The following PDE3A variants were observed in gnomAD, a reference collection of about 807,000 sequenced individuals.
The protein encoded by PDE3A is phosphodiesterase 3A, also known as cGMP-inhibited 3',5'-cyclic phosphodiesterase 3A.
Under a neutral mutation model 98.3 loss-of-function variants are expected in PDE3A, and 43 were observed. That is an observed-to-expected ratio of 0.44 (90% CI 0.34 to 0.56). The LOEUF (loss-of-function observed/expected upper bound fraction) is 0.56, where lower values mean the gene tolerates loss of function less well. Among genes scored for constraint, PDE3A ranks in the 20% least tolerant of loss-of-function variants. The pLI is 0.01. For synonymous variants in PDE3A, 663 were observed against 567.9 expected (o/e 1.17, Z -2.38); for missense variants, 1,427 against 1,440.7 (o/e 0.99, Z 0.15).
chr12:20,444,017 T>C (rs949688768), intron 1 of PDE3A, among the ~76,000 whole-genome samples: 6 of 152,156 alleles, frequency 3.9e-5, no homozygotes, highest in African/African-American at 1.4e-4. Flanking sequence ...CTGGTTTATA[T>C]AGCAGGAAGT....
chr12:20,531,047 GA>G lies in PDE3A; in HGVS notation c.961-25612del, dbSNP rs59865810. ...CAAAGTAGGTTGCTTGAAGTTCCCA[GA>G]GGCTAAGAGGGTTCCCCCTATCAGG... On this transcript the variant is annotated intron_variant, in intron 1 of 15. Transcript: ENST00000359062. Among the ~76,000 whole-genome samples, 231 of 152,238 alleles carry G rather than the reference GA, an allele frequency of 1.5e-3. 1 individual carries two copies. The highest frequency in any genetic ancestry group is 5.3e-3 in the African/African-American group (222 of 41,538).
chr12:20,452,027 G>T (rs190887700), intron 1 of PDE3A, among the ~76,000 whole-genome samples: 2 of 152,100 alleles, frequency 1.3e-5, no homozygotes, highest in Admixed American at 1.3e-4. Flanking sequence ...TGACCAAAAT[G>T]CTCTGCTCCG....
chr12:20,553,027 C>A, intron 1 of PDE3A: 1 of 1,488,440 alleles, frequency 6.7e-7, no homozygotes, highest in Non-Finnish European at 9.2e-7. Context: ...AAGCACTTCT[C>A]GACAGGCGTT....
chr12:20,674,306 G>A (rs1301679307), intron 15 of PDE3A, among the ~76,000 whole-genome samples: 2 of 152,108 alleles, frequency 1.3e-5, no homozygotes, highest in Non-Finnish European at 2.9e-5. Context: ...ATGCCTGATT[G>A]TTCTGAGTAG....
intron 1 of PDE3A, among the ~76,000 whole-genome samples, chr12:20,479,554 G>A (rs750385884): frequency 2.0e-5 from 3 of 152,150 alleles, no homozygotes; most frequent in Non-Finnish European, 4.4e-5. Flanking sequence ...GAGTTAAAAG[G>A]GAATTAAGGA....
chr12:20,675,189 AT>A (rs112946565), intron 15 of PDE3A, among the ~76,000 whole-genome samples: 1 of 151,580 alleles, frequency 6.6e-6, no homozygotes, highest in Admixed American at 6.6e-5. Flanking sequence ...ATTCAGAGAC[AT>A]TTTTTTTAAT....
chr12:20,449,387 T>C lies in PDE3A; in HGVS notation c.960+79143T>C, dbSNP rs142263548. On this transcript the variant is annotated intron_variant, in intron 1 of 15. Transcript: ENST00000359062. Reference sequence around the variant, plus strand: ...CACATTTTTGTTTTTCCAACCAGAGTTTGTTTCATTTACAGACATTGTCAT... The same window carrying C: ...CACATTTTTGTTTTTCCAACCAGAGCTTGTTTCATTTACAGACATTGTCAT... Among the ~76,000 whole-genome samples, 30 of 152,228 alleles carry C rather than the reference T, an allele frequency of 2.0e-4. No homozygotes were observed. In the East Asian group the frequency reaches 5.6e-3, roughly 28 times the overall value.
At chr12:20,609,333 A>G (rs1943791340) in intron 2 of PDE3A, among the ~76,000 whole-genome samples, 1 of 152,076 alleles carries the variant, frequency 6.6e-6, no homozygotes, top group Non-Finnish European at 1.5e-5. Context: ...AGCATAAAAA[A>G]TACTTAGGGA....
At chr12:20,499,495 A>G (rs1001083256) in intron 1 of PDE3A, among the ~76,000 whole-genome samples, 2 of 152,148 alleles carry the variant, frequency 1.3e-5, no homozygotes, top group South Asian at 4.1e-4. Flanking sequence ...ATGATATAAC[A>G]TATATTTAAG....
chr12:20,466,719 A>G (rs1037883156), intron 1 of PDE3A, among the ~76,000 whole-genome samples: 6 of 152,316 alleles, frequency 3.9e-5, no homozygotes, highest in Middle Eastern at 3.4e-3. Context: ...CACTTAATCT[A>G]TTAATAAGTA....
chr12:20,674,949 T>C (rs951437593), intron 15 of PDE3A, among the ~76,000 whole-genome samples: 1 of 152,024 alleles, frequency 6.6e-6, no homozygotes, highest in Non-Finnish European at 1.5e-5. Context: ...TTAGTTCTCT[T>C]ATCTTTATTA....
At chr12:20,373,520 A>G (rs551106356) in intron 1 of PDE3A, among the ~76,000 whole-genome samples, 1 of 152,198 alleles carries the variant, frequency 6.6e-6, no homozygotes, top group South Asian at 2.1e-4. Flanking sequence ...TTCTCTTTAT[A>G]AATAAAGAAC....
At chr12:20,579,284 C>G (rs7488477) in intron 2 of PDE3A, among the ~76,000 whole-genome samples, 25,704 of 152,214 alleles carry the variant, frequency 0.17, 2,230 homozygotes, top group Middle Eastern at 0.23. Context: ...TTGATTAACC[C>G]TTACTGAGGC....
intron 6 of PDE3A, among the ~76,000 whole-genome samples, chr12:20,632,350 T>C (rs931169341): frequency 6.6e-6 from 1 of 152,142 alleles, no homozygotes; most frequent in Non-Finnish European, 1.5e-5. Context: ...ACGAGCACAA[T>C]TCAGGAAAAA....
At chr12:20,419,572 T>G (rs914005853) in intron 1 of PDE3A, among the ~76,000 whole-genome samples, 7 of 151,898 alleles carry the variant, frequency 4.6e-5, no homozygotes, top group Non-Finnish European at 1.0e-4. Context: ...AAAAATAAAG[T>G]CAAGATATGT....
chr12:20,581,266 T>C (rs1337562088), intron 2 of PDE3A, among the ~76,000 whole-genome samples: 1 of 152,216 alleles, frequency 6.6e-6, no homozygotes, highest in Non-Finnish European at 1.5e-5. Context: ...ACAGAAGGCT[T>C]ATTGCCCCAA....
At chr12:20,639,098 G>A (rs1010702492) in intron 9 of PDE3A, among the ~76,000 whole-genome samples, 5 of 152,184 alleles carry the variant, frequency 3.3e-5, no homozygotes, top group Non-Finnish European at 5.9e-5. Flanking sequence ...AAGTGGTTAT[G>A]ATAGCAGTCA....
At chr12:20,374,968 G>A (rs558759868) in intron 1 of PDE3A, among the ~76,000 whole-genome samples, 2 of 152,016 alleles carry the variant, frequency 1.3e-5, no homozygotes, top group East Asian at 3.9e-4. Context: ...TGGGCGATGG[G>A]GAAATGTCTT....
intron 12 of PDE3A, among the ~76,000 whole-genome samples, chr12:20,648,245 C>T (rs1302160796): frequency 1.3e-5 from 2 of 150,866 alleles, no homozygotes; most frequent in African/African-American, 4.9e-5. Context: ...AACCTAGTTA[C>T]CTCTTGAGGT....
Sources: allele counts gnomAD v4.1 joint callset (sites outside exome capture counted in the v4.1 genomes callset), GRCh38; gene constraint gnomAD v4.1.1; transcripts MANE v1.5; gene names NCBI Gene and HGNC (gene_info 2026-07-23, HGNC 2026-07-21).